Variants in RAD50 observed in about 807,000 individuals in gnomAD.
RAD50 encodes the protein RAD50 double strand break repair protein.
A neutral mutation model predicts 168.8 loss-of-function variants in RAD50; 132 were observed. The observed-to-expected ratio is 0.78, with a 90% CI of 0.68 to 0.90. The LOEUF (loss-of-function observed/expected upper bound fraction) is 0.90. Ranked by LOEUF, RAD50 falls within the 40% of genes least tolerant of loss-of-function variation. RAD50 has a pLI of 0.00. For synonymous variants in RAD50, 525 were observed against 497.4 expected (o/e 1.06, Z -0.74); for missense variants, 1,347 against 1,534.4 (o/e 0.88, Z 2.04).
At chr5:132,615,889 T>G (rs1751166042) in intron 19 of RAD50, 114 bp from the exon 20 acceptor site, 1 of 1,061,572 alleles carries the variant, frequency 9.4e-7, no homozygotes, top group Non-Finnish European at 1.4e-6. Flanking sequence ...TCTGTTGAAT[T>G]TCACATGATT....
At chr5:132,587,434 T>C in intron 5 of RAD50, 128 bp from the exon 6 acceptor site, 2 of 1,369,214 alleles carry the variant, frequency 1.5e-6, no homozygotes, top group Non-Finnish European at 9.8e-7. Flanking sequence ...TGCTCTACAG[T>C]GTTATTGTTA....
chr5:132,622,999 C>T (rs1032174496), intron 21 of RAD50, among the ~76,000 whole-genome samples: 8 of 152,010 alleles, frequency 5.3e-5, no homozygotes, highest in Non-Finnish European at 1.2e-4. Context: ...AAGCATTTGC[C>T]CAAGACTTTG....
At chr5:132,619,026 T>C (rs146463395) in intron 21 of RAD50, among the ~76,000 whole-genome samples, 64 of 152,378 alleles carry the variant, frequency 4.2e-4, no homozygotes, top group African/African-American at 1.5e-3. Flanking sequence ...CTTGCTTTTT[T>C]ATTTGGATTT....
intron 15 of RAD50, among the ~76,000 whole-genome samples, chr5:132,604,604 A>G (rs1317759267): frequency 6.6e-6 from 1 of 152,104 alleles, no homozygotes; most frequent in Admixed American, 6.6e-5. Flanking sequence ...CTGCCCTGTA[A>G]GCTTTCCCTG....
intron 8 of RAD50, among the ~76,000 whole-genome samples, chr5:132,589,317 TATC>T (rs1321299090): frequency 1.3e-5 from 2 of 152,220 alleles, no homozygotes; most frequent in East Asian, 1.9e-4. Context: ...CATAAATACT[TATC>T]ATCATGTTAC....
intron 19 of RAD50, among the ~76,000 whole-genome samples, chr5:132,611,041 G>A (rs1033189401): frequency 1.3e-5 from 2 of 152,210 alleles, no homozygotes; most frequent in Non-Finnish European, 2.9e-5. Flanking sequence ...CAGGAGAGAA[G>A]TGTATAAAAA....
chr5:132,633,206 G>A (rs1185097034), intron 21 of RAD50, among the ~76,000 whole-genome samples: 1 of 147,932 alleles, frequency 6.8e-6, no homozygotes, highest in African/African-American at 2.5e-5. Flanking sequence ...CCGGGTTGAA[G>A]CGATTCTCCT....
chr5:132,589,219 G>A (rs1750651848), intron 8 of RAD50, among the ~76,000 whole-genome samples: 1 of 152,156 alleles, frequency 6.6e-6, no homozygotes, highest in South Asian at 2.1e-4. Flanking sequence ...GTTTTGGTCA[G>A]TGATAGACCA....
intron 5 of RAD50, among the ~76,000 whole-genome samples, chr5:132,581,126 G>C (rs1750496890): frequency 6.6e-6 from 1 of 151,978 alleles, no homozygotes; most frequent in South Asian, 2.1e-4. Context: ...TTGAGATGGA[G>C]TTTCACTTTT....
chr5:132,615,412 A>G (rs538250774), intron 19 of RAD50, among the ~76,000 whole-genome samples: 9 of 152,190 alleles, frequency 5.9e-5, no homozygotes, highest in African/African-American at 1.4e-4. Flanking sequence ...AGTGATTACA[A>G]TTTGTCAACC....
At chr5:132,587,429 T>G in intron 5 of RAD50, 133 bp from the exon 6 acceptor site, 1 of 1,342,992 alleles carries the variant, frequency 7.4e-7, no homozygotes, top group Non-Finnish European at 1.0e-6. Flanking sequence ...AGGCCTGCTC[T>G]ACAGTGTTAT....
chr5:132,579,724 A>G, intron 4 of RAD50, 138 bp from the exon 5 acceptor site: 1 of 893,340 alleles, frequency 1.1e-6, no homozygotes, highest in Non-Finnish European at 1.8e-6. Context: ...TTCACTTACC[A>G]TTATGTCATA....
intron 2 of RAD50, among the ~76,000 whole-genome samples, chr5:132,573,552 G>A (rs1750343616): frequency 6.6e-6 from 1 of 152,004 alleles, no homozygotes; most frequent in African/African-American, 2.4e-5. Flanking sequence ...TCCACCCCTG[G>A]CCCCTCCCAA....
At chr5:132,590,882 A>G (rs1750685570) in intron 9 of RAD50, among the ~76,000 whole-genome samples, 1 of 152,248 alleles carries the variant, frequency 6.6e-6, no homozygotes. Flanking sequence ...AATATAGTGA[A>G]TTACATGGGG....
At chr5:132,633,954 C>T (rs555206486) in intron 21 of RAD50, among the ~76,000 whole-genome samples, 5 of 152,112 alleles carry the variant, frequency 3.3e-5, no homozygotes, top group Admixed American at 3.3e-4. Flanking sequence ...TTGATTTGAA[C>T]TGTTGCAGTT....
intron 16 of RAD50, 146 bp downstream of exon 16, chr5:132,605,145 A>C: frequency 1.8e-6 from 1 of 544,802 alleles, no homozygotes; most frequent in Non-Finnish European, 3.0e-6. Flanking sequence ...CCTGGGTTCA[A>C]GTGATTCTCT....
Position 132,603,928 on chromosome 5 carries a change from T to C in RAD50, c.2406T>C (p.Leu802=). The change falls in exon 15 of 25, where the codon CTT becomes CTC. Residue 802 remains leucine (L), a synonymous_variant. Transcript: ENST00000378823. ...VTIMERFQME[L]KDVERKIAQQ... is the part of the protein sequence containing the mutation. The stretch of plus-strand genomic sequence containing the variant: ...TTTGTTATATTCTTAAGATGGAACT[T>C]AAAGATGTTGAAAGAAAAATTGCAC... 6.2e-7 allele frequency: 1 copy of C among 1,601,634 alleles called. No individual in the cohort carries two copies. The highest frequency in any genetic ancestry group is 8.6e-7 in the Non-Finnish European group (1 of 1,168,984).
intron 19 of RAD50, among the ~76,000 whole-genome samples, chr5:132,614,983 C>G (rs985353727): frequency 6.6e-6 from 1 of 152,220 alleles, no homozygotes; most frequent in African/African-American, 2.4e-5. Context: ...CTGTCCATCT[C>G]TCTCACTTCC....
intron 2 of RAD50, among the ~76,000 whole-genome samples, chr5:132,561,505 A>G (rs569764206): frequency 3.3e-5 from 5 of 152,172 alleles, no homozygotes; most frequent in Non-Finnish European, 5.9e-5. Context: ...CTTGATTTCT[A>G]AAAGCCAGTG....
Sources: gnomAD v4.1 joint callset for allele counts (sites outside exome capture counted in the v4.1 genomes callset) on GRCh38, gnomAD v4.1.1 for gene constraint, MANE v1.5 for transcripts, NCBI Gene and HGNC (gene_info 2026-07-23, HGNC 2026-07-21) for gene names.